The following TK2 variants were observed in gnomAD, a reference collection of about 807,000 sequenced individuals.
TK2 encodes thymidine kinase 2, also known as thymidine kinase 2, mitochondrial.
Under a neutral mutation model 41.9 loss-of-function variants are expected in TK2, and 35 were observed. The ratio of observed to expected loss-of-function variants is 0.84; its 90% CI spans 0.64 to 1.11. The LOEUF (loss-of-function observed/expected upper bound fraction) is 1.11. TK2 is among the 50% of genes least tolerant of loss of function. The probability of loss-of-function intolerance (pLI) is 0.00; values close to 1 mark genes in which losing one functional copy is unlikely to be tolerated. For synonymous variants in TK2, 128 were observed against 129.1 expected, an observed-to-expected ratio of 0.99 and a Z score of 0.06; for missense variants, 320 against 351.1, an observed-to-expected ratio of 0.91 and a Z score of 0.71.
At chr16:66,533,308 C>T (rs1052678192) in intron 4 of TK2, among the ~76,000 whole-genome samples, 2 of 138,028 alleles carry the variant, frequency 1.4e-5, no homozygotes, top group African/African-American at 5.6e-5. Context: ...TGTACTCCAG[C>T]CTGGGTGACA....
In TK2 at chr16:66,511,884, G is replaced by A. The variant is rs996673277; in HGVS notation, c.*84C>T. ...CTGGCCAGACACAAAGCCCTCCTGGGAGCAAGTTTTTCCAGATTGCTCCCA... is the reference window on the plus strand; with the variant it reads ...CTGGCCAGACACAAAGCCCTCCTGGAAGCAAGTTTTTCCAGATTGCTCCCA... On this transcript the variant is annotated 3_prime_UTR_variant, in exon 10 of 10. Coordinates refer to ENST00000544898, the MANE Select transcript of TK2 (RefSeq NM_004614.5). The A allele has an allele frequency of 3.2e-6, 4 of 1,251,148 alleles. No individual in the cohort carries two copies. In the African/African-American group the frequency reaches 5.9e-5, roughly 18 times the overall value. 77.5% of individuals were successfully genotyped at this position (1,251,148 alleles called of 1,614,324 possible). A position where few individuals can be genotyped will look rare whatever the true frequency, so the allele number is the denominator to read the frequency against.
chr16:66,536,865 G>T (rs191215570), intron 4 of TK2, 99 bp downstream of exon 4: 4 of 1,396,434 alleles, frequency 2.9e-6, no homozygotes, highest in Non-Finnish European at 3.1e-6. Flanking sequence ...AGTTAAGAGC[G>T]CAGAGAATGC....
chr16:66,538,479 C>T (rs2144442913), intron 3 of TK2, among the ~76,000 whole-genome samples: 1 of 152,260 alleles, frequency 6.6e-6, no homozygotes, highest in East Asian at 1.9e-4. Context: ...GCTCCCCGAC[C>T]CAGCTCAGGG....
chr16:66,546,989 G>A (rs1965629303), intron 2 of TK2, among the ~76,000 whole-genome samples: 1 of 152,176 alleles, frequency 6.6e-6, no homozygotes, highest in Non-Finnish European at 1.5e-5. Context: ...CTGAGCTCAA[G>A]CAATCCTCCC....
Position 66,550,000 on chromosome 16 carries a change from C to A in TK2, c.62G>T (p.Ser21Ile). The change falls in exon 1 of 10, where the codon AGT (serine) becomes ATT (isoleucine). Residue 21 changes from serine to isoleucine, a missense_variant. Transcript: ENST00000544898. ...ARALRCFGPGSRGSPASGPGP... is the reference protein window; with the variant it reads ...ARALRCFGPGIRGSPASGPGP... ...GGGGCCTGAGGCCGGGCTCCCGCGA[C>A]TTCCCGGCCCAAAGCAGCGCAGCGC... 6.6e-7 allele frequency: 1 copy of A among 1,525,290 alleles called. No individual in the cohort carries two copies. The highest frequency in any genetic ancestry group is 1.2e-5 in the South Asian group (1 of 81,938). 94.5% of individuals were successfully genotyped at this position (1,525,290 alleles called of 1,614,324 possible).
At chr16:66,546,727 C>T (rs1428090380) in intron 2 of TK2, 1 of 151,182 alleles carries the variant, frequency 6.6e-6, no homozygotes. Flanking sequence ...AGACCTGTCA[C>T]AATTTATTGA....
chr16:66,534,267 T>C (rs1257088123), intron 4 of TK2, among the ~76,000 whole-genome samples: 1 of 151,868 alleles, frequency 6.6e-6, no homozygotes, highest in Non-Finnish European at 1.5e-5. Flanking sequence ...CTGCCCTAAC[T>C]GCAAAAAATA....
rs543272850 is a variant in TK2 at position 66,549,945 on chromosome 16, C to G, written c.117G>C (p.Trp39Cys). 7.4e-7 allele frequency: 1 copy of G among 1,359,142 alleles called. No homozygotes were observed. Among genetic ancestry groups the G allele is most frequent in the African/African-American group, 1.5e-5 (1 of 65,598 alleles). 84.2% of individuals were successfully genotyped at this position (1,359,142 alleles called of 1,614,324 possible). A position where few individuals can be genotyped will look rare whatever the true frequency, so the allele number is the denominator to read the frequency against. ...GACCAAGACGCGCGTTACCGGGAGG[C>G]CAGGCCCGGCGCTGCACCCTCCGCG... ...PGPRRVQRRA[W>C]PPDKEQEKEK... The change falls in exon 1 of 10, where the codon TGG becomes TGC. Residue 39 changes from tryptophan (W) to cysteine (C), a missense_variant. Transcript: ENST00000544898.
In TK2 at chr16:66,531,361, C is replaced by T; in HGVS notation, c.375+19G>A. ...AAGAAAACGTTTAAGAAGGCTGAAA[C>T]TGAGCATCTGAAACCTACCTGAGGA... On this transcript the variant is annotated intron_variant, in intron 5 of 9. Transcript: ENST00000544898. The T allele has an allele frequency of 6.2e-7, 1 of 1,612,554 alleles. No homozygotes were observed. The highest frequency in any genetic ancestry group is 8.5e-7 in the Non-Finnish European group (1 of 1,178,608).
rs1369881978 is a variant in TK2, at chr16:66,548,873, T to G, written c.156+105A>C. The G allele has an allele frequency of 1.6e-5, 17 of 1,072,178 alleles. No homozygotes were observed. The East Asian group carries it at 4.0e-4, about 25-fold the overall frequency. 66.4% of individuals were successfully genotyped at this position (1,072,178 alleles called of 1,614,324 possible). ...CTCCCTGGAGATCCTCTTGTATTTTTGCTTTTTACTATGGAATGTATTTTT... is the reference window on the plus strand; with the variant it reads ...CTCCCTGGAGATCCTCTTGTATTTTGGCTTTTTACTATGGAATGTATTTTT... On this transcript the variant is annotated intron_variant, in intron 2 of 9. Transcript: ENST00000544898.
At chr16:66,522,630 G>A (rs938854607) in intron 6 of TK2, among the ~76,000 whole-genome samples, 4 of 152,212 alleles carry the variant, frequency 2.6e-5, no homozygotes, top group Non-Finnish European at 2.9e-5. Flanking sequence ...ACTTTGGCAG[G>A]CTGAGGCAGG....
chr16:66,509,195 G>C lies in TK2; in HGVS notation c.*2773C>G, dbSNP rs886052194. ...GCATCTGGATTAAAGAGTGGATGGG[G>C]AGCAGTGGGCTCTGATGCCAACCGT... On this transcript the variant is annotated 3_prime_UTR_variant, in exon 10 of 10. Transcript: ENST00000544898. The C allele has an allele frequency of 7.2e-5, 11 of 152,360 alleles. No homozygotes were observed. The East Asian group carries it at 2.1e-3, about 29-fold the overall frequency. 9.4% of individuals were successfully genotyped at this position (152,360 alleles called of 1,614,324 possible).
At chr16:66,515,033 G>T (rs60667136) in intron 8 of TK2, among the ~76,000 whole-genome samples, 3 of 152,048 alleles carry the variant, frequency 2.0e-5, no homozygotes, top group Non-Finnish European at 4.4e-5. Context: ...CACTGCGGAA[G>T]GCGGCAGGGC....
At chr16:66,532,549 G>A (rs1010639730) in intron 4 of TK2, among the ~76,000 whole-genome samples, 1 of 151,982 alleles carries the variant, frequency 6.6e-6, no homozygotes, top group Non-Finnish European at 1.5e-5. Context: ...AGGCTGCAGT[G>A]GGCCGAGATC....
At chr16:66,529,168 G>A in intron 5 of TK2, 101 bp from the exon 6 acceptor site, 1 of 1,101,536 alleles carries the variant, frequency 9.1e-7, no homozygotes, top group South Asian at 1.2e-5. Context: ...GGACTTTGCT[G>A]AATATGAGAA....
chr16:66,513,443 A>C (rs1964509948), intron 9 of TK2, among the ~76,000 whole-genome samples: 1 of 152,160 alleles, frequency 6.6e-6, no homozygotes, highest in Non-Finnish European at 1.5e-5. Flanking sequence ...AAATGGTGAA[A>C]ACTGAGACCC....
intron 4 of TK2, among the ~76,000 whole-genome samples, chr16:66,532,883 A>G (rs991216741): frequency 2.0e-5 from 3 of 151,996 alleles, no homozygotes; most frequent in Non-Finnish European, 4.4e-5. Flanking sequence ...AAAAAATCCT[A>G]AAATTGATAT....
At chr16:66,512,921 G>A (rs1964494777) in intron 9 of TK2, among the ~76,000 whole-genome samples, 1 of 152,174 alleles carries the variant, frequency 6.6e-6, no homozygotes, top group South Asian at 2.1e-4. Context: ...GCACAGCCCT[G>A]CCTCACATCC....
chr16:66,549,882 C>A, intron 1 of TK2, 56 bp downstream of exon 1: 1 of 1,300,396 alleles, frequency 7.7e-7, no homozygotes. Context: ...GCCGAGGGGC[C>A]GGGAGTAGGT....
Sources: allele counts gnomAD v4.1 joint callset (sites outside exome capture counted in the v4.1 genomes callset), GRCh38; gene constraint gnomAD v4.1.1; transcripts MANE v1.5; gene names NCBI Gene and HGNC (gene_info 2026-07-23, HGNC 2026-07-21).